PITPNC1: variants seen among roughly 807,000 people sequenced by gnomAD.
PITPNC1 encodes cytoplasmic phosphatidylinositol transfer protein 1.
PITPNC1 carries 18 observed loss-of-function variants against 44.7 expected under a neutral mutation model. The observed-to-expected ratio is 0.40, with a 90% CI of 0.28 to 0.60. The LOEUF (loss-of-function observed/expected upper bound fraction) is 0.60. PITPNC1 is among the 20% of genes least tolerant of loss of function. The pLI is 0.39. For missense variants in PITPNC1, 290 were observed against 418.4 expected (o/e 0.69, Z 2.68); for synonymous variants, 141 against 149.6 (o/e 0.94, Z 0.42).
chr17:67,682,751 G>A (rs1470815839), intron 8 of PITPNC1, among the ~76,000 whole-genome samples: 1 of 152,180 alleles, frequency 6.6e-6, no homozygotes, highest in Non-Finnish European at 1.5e-5. Flanking sequence ...GGCTTAAGGA[G>A]TCTTTATGTA....
intron 6 of PITPNC1, among the ~76,000 whole-genome samples, chr17:67,635,935 A>T (rs1046424122): frequency 6.6e-6 from 1 of 152,326 alleles, no homozygotes; most frequent in Non-Finnish European, 1.5e-5. Context: ...TGCTACTGGT[A>T]TCTAGAGTGT....
At chr17:67,507,657 C>T (rs994459267) in intron 1 of PITPNC1, among the ~76,000 whole-genome samples, 1 of 135,886 alleles carries the variant, frequency 7.4e-6, no homozygotes, top group Non-Finnish European at 1.5e-5. Context: ...GCACTCCAGC[C>T]TGGGTGACAG....
intron 8 of PITPNC1, among the ~76,000 whole-genome samples, chr17:67,678,097 T>C (rs1342236901): frequency 6.6e-6 from 1 of 151,816 alleles, no homozygotes; most frequent in Middle Eastern, 3.2e-3. Flanking sequence ...ATGTCCGTAG[T>C]CTTAGCTATT....
At chr17:67,450,860 A>G (rs1014479017) in intron 1 of PITPNC1, among the ~76,000 whole-genome samples, 1 of 152,040 alleles carries the variant, frequency 6.6e-6, no homozygotes, top group Non-Finnish European at 1.5e-5. Flanking sequence ...CTAACTCCCC[A>G]ATGTCCCCTT....
At chr17:67,583,865 T>TTGTGTGTGTGTGTGTGTGTGTGTGTG (rs771258752) in intron 5 of PITPNC1, among the ~76,000 whole-genome samples, 2 of 118,448 alleles carry the variant, frequency 1.7e-5, no homozygotes, top group African/African-American at 3.1e-5. Flanking sequence ...CTGGCTAATT[T>TTGTGTGTGTGTGTGTGTGTGTGTGTG]TGTGTGTGTG....
intron 1 of PITPNC1, among the ~76,000 whole-genome samples, chr17:67,517,885 T>TA (rs2040278017): frequency 6.6e-6 from 1 of 152,162 alleles, no homozygotes; most frequent in African/African-American, 2.4e-5. Context: ...CATATTTTTT[T>TA]TAAAAAAGTA....
intron 2 of PITPNC1, among the ~76,000 whole-genome samples, chr17:67,535,169 A>C (rs115291142): frequency 0.013 from 1,964 of 152,356 alleles, 40 homozygotes; most frequent in African/African-American, 0.045. Context: ...GTGAATTCCC[A>C]GGCTTTGGAA....
intron 8 of PITPNC1, among the ~76,000 whole-genome samples, chr17:67,679,075 C>T (rs927970014): frequency 1.3e-5 from 2 of 152,196 alleles, no homozygotes; most frequent in Admixed American, 1.3e-4. Flanking sequence ...CCAGATGGTT[C>T]TGTTGCTGGC....
At chr17:67,529,387 C>T (rs145701294) in intron 1 of PITPNC1, among the ~76,000 whole-genome samples, 1 of 152,202 alleles carries the variant, frequency 6.6e-6, no homozygotes, top group Admixed American at 6.5e-5. Context: ...AGCCCCTTAC[C>T]GAGGTCCTGG....
chr17:67,491,481 G>T (rs2144045911), intron 1 of PITPNC1, among the ~76,000 whole-genome samples: 1 of 152,322 alleles, frequency 6.6e-6, no homozygotes, highest in East Asian at 1.9e-4. Flanking sequence ...TAAAATTATA[G>T]CCTGGTTTTC....
chr17:67,653,510 A>G (rs2042231473), intron 6 of PITPNC1, among the ~76,000 whole-genome samples: 1 of 152,082 alleles, frequency 6.6e-6, no homozygotes, highest in Non-Finnish European at 1.5e-5. Context: ...TAAATTTCTG[A>G]TGTTTAAGCC....
At chr17:67,578,349 T>C (rs2041178914) in intron 5 of PITPNC1, 92 bp downstream of exon 5, 6 of 845,002 alleles carry the variant, frequency 7.1e-6, no homozygotes, top group Admixed American at 5.7e-5. Context: ...GGGCCAGCAG[T>C]GGGACCTGTG....
At chr17:67,678,338 G>C (rs2042641726) in intron 8 of PITPNC1, among the ~76,000 whole-genome samples, 1 of 152,290 alleles carries the variant, frequency 6.6e-6, no homozygotes, top group Admixed American at 6.5e-5. Context: ...TATTTACTTA[G>C]GATGAGTGAA....
intron 1 of PITPNC1, among the ~76,000 whole-genome samples, chr17:67,523,742 G>A (rs899669058): frequency 1.3e-5 from 2 of 150,912 alleles, no homozygotes; most frequent in African/African-American, 4.9e-5. Flanking sequence ...GGAAGGGAGG[G>A]CCTCTCCAAA....
chr17:67,498,662 A>G (rs942171370), intron 1 of PITPNC1, among the ~76,000 whole-genome samples: 3 of 152,182 alleles, frequency 2.0e-5, no homozygotes, highest in Non-Finnish European at 4.4e-5. Context: ...AAGCTCATCA[A>G]TGGTGTGCAA....
At chr17:67,428,538 GAAAA>G (rs1218683922) in intron 1 of PITPNC1, among the ~76,000 whole-genome samples, 25 of 89,644 alleles carry the variant, frequency 2.8e-4, no homozygotes, top group South Asian at 3.3e-4. Flanking sequence ...ATCTCAAAAA[GAAAA>G]AAAAAAAAAA....
chr17:67,580,839 A>G (rs2041221145), intron 5 of PITPNC1, among the ~76,000 whole-genome samples: 1 of 152,112 alleles, frequency 6.6e-6, no homozygotes, highest in Non-Finnish European at 1.5e-5. Context: ...ACCTGATGTC[A>G]GGAGTTTGAG....
At chr17:67,485,948 C>T (rs2916142) in intron 1 of PITPNC1, among the ~76,000 whole-genome samples, 69,847 of 151,910 alleles carry the variant, frequency 0.46, 16,592 homozygotes, top group African/African-American at 0.56. Flanking sequence ...CAAATGTTAC[C>T]CTAACATAAA....
chr17:67,589,107 A>G (rs890400501), intron 5 of PITPNC1, among the ~76,000 whole-genome samples: 1 of 152,160 alleles, frequency 6.6e-6, no homozygotes, highest in African/African-American at 2.4e-5. Context: ...TTCTTATTCA[A>G]TCTGTGTCTA....
Sources: gnomAD v4.1 joint callset for allele counts (sites outside exome capture counted in the v4.1 genomes callset) on GRCh38, gnomAD v4.1.1 for gene constraint, MANE v1.5 for transcripts, NCBI Gene and HGNC (gene_info 2026-07-23, HGNC 2026-07-21) for gene names.